The following ZNF729 variants were observed in gnomAD, a reference collection of about 807,000 sequenced individuals.
The protein encoded by ZNF729 is zinc finger protein 729.
A neutral mutation model predicts 12.2 loss-of-function variants in ZNF729; 15 were observed. The observed-to-expected ratio is 1.23, with a 90% CI of 0.82 to 1.89. The LOEUF (loss-of-function observed/expected upper bound fraction) is 1.89, where lower values mean the gene tolerates loss of function less well. ZNF729 is among the 40% of genes most tolerant of loss of function. The pLI is 0.00. For synonymous variants in ZNF729, 492 were observed against 476.3 expected, an observed-to-expected ratio of 1.03 and a Z score of -0.43; for missense variants, 1,540 against 1,456.7, an observed-to-expected ratio of 1.06 and a Z score of -0.93.
chr19:22,309,171 G>A (rs1373650901), intron 3 of ZNF729, among the ~76,000 whole-genome samples: 5 of 152,278 alleles, frequency 3.3e-5, no homozygotes, highest in African/African-American at 1.2e-4. Flanking sequence ...CCCTGGCCGG[G>A]TGCGGTGGCT....
intron 3 of ZNF729, among the ~76,000 whole-genome samples, chr19:22,311,149 C>A (rs923447981): frequency 1.3e-5 from 2 of 151,806 alleles, no homozygotes; most frequent in Non-Finnish European, 2.9e-5. Context: ...GTTTTTGTTT[C>A]ATTTATCTTT....
intron 1 of ZNF729, among the ~76,000 whole-genome samples, chr19:22,297,542 AAT>A (rs1242470595): frequency 1.3e-5 from 2 of 151,786 alleles, no homozygotes; most frequent in East Asian, 3.9e-4. Context: ...ACTTTTTTGA[AAT>A]ATATATAAAT....
At chr19:22,298,749 G>C (rs1318241508) in intron 1 of ZNF729, among the ~76,000 whole-genome samples, 1 of 152,136 alleles carries the variant, frequency 6.6e-6, no homozygotes, top group Non-Finnish European at 1.5e-5. Context: ...CCTGAGCCCA[G>C]GAAGTTTGCC....
intron 3 of ZNF729, among the ~76,000 whole-genome samples, chr19:22,306,381 T>C (rs916706094): frequency 1.3e-5 from 2 of 149,974 alleles, no homozygotes; most frequent in South Asian, 4.2e-4. Flanking sequence ...CAGGTTGTGG[T>C]GAGCTGAGAT....
At position 22,316,577 on chromosome 19, in the gene ZNF729, G is replaced by C. The variant is rs748841602; in HGVS notation, c.3160G>C (p.Gly1054Arg). The change falls in exon 4 of 4, where the codon GGT (glycine) becomes CGT (arginine). Residue 1054 changes from glycine (G) to arginine (R), a missense_variant. Physicochemically the swap from Gly to Arg is moderately radical, Grantham distance 125. Transcript: ENST00000601693. ...GEKPYKCEECGKAFKWSSKLT... is the reference protein window; with the variant it reads ...GEKPYKCEECRKAFKWSSKLT... ...GAAACCCTACAAATGTGAAGAATGT[G>C]GTAAAGCTTTTAAGTGGTCCTCAAA... The C allele has an allele frequency of 6.2e-7, 1 of 1,613,434 alleles. No homozygotes were observed. The highest frequency in any genetic ancestry group is 1.1e-5 in the South Asian group (1 of 91,072).
Position 22,315,512 on chromosome 19 carries a change from C to T in ZNF729, c.2095C>T (p.Leu699Phe), listed in dbSNP as rs1968519947. Residue 699 changes from leucine to phenylalanine, a missense_variant, in exon 4 of 4, where the codon CTT (leucine) becomes TTT (phenylalanine). By Grantham distance (22) the Leu-to-Phe change is conservative. Transcript: ENST00000601693. Reference protein sequence around the residue: ...CGKAFSHFSALRRHKIIHTGE... With the variant: ...CGKAFSHFSAFRRHKIIHTGE... ...CAAAGCTTTTAGCCATTTCTCAGCC[C>T]TTAGAAGACATAAGATAATTCATAC... 6.2e-7 allele frequency: 1 copy of T among 1,611,576 alleles called. No homozygotes were observed. Among genetic ancestry groups the T allele is most frequent in the Non-Finnish European group, 8.5e-7 (1 of 1,179,704 alleles).
chr19:22,286,447 C>A lies in ZNF729; in HGVS notation c.-79C>A. 1.9e-6 allele frequency: 3 copies of A among 1,572,834 alleles called. No individual in the cohort carries two copies. Among genetic ancestry groups the A allele is most frequent in the Non-Finnish European group, 2.6e-6 (3 of 1,154,384 alleles). On this transcript the variant is annotated 5_prime_UTR_variant, in exon 1 of 4. Transcript: ENST00000601693. ...GTTGTTTCTGGTTGCAGCCGCAGTTCCCGGTCTCGCCTTCACTGCTGTGTG... is the reference window on the plus strand; with the variant it reads ...GTTGTTTCTGGTTGCAGCCGCAGTTACCGGTCTCGCCTTCACTGCTGTGTG...
Position 22,303,759 on chromosome 19 carries a change from G to A in ZNF729, c.32G>A (p.Gly11Glu). ...TGTGTCTTTCGTTGTGTTTTTCAGG[G>A]ACCATTGACATTTAGAGATGTGACC... MPGAPGSLEM[G>E]PLTFRDVTIE... The change falls in exon 2 of 4, where the codon GGA becomes GAA. Residue 11 changes from glycine (G) to glutamate (E), a missense_variant and splice_region_variant. By Grantham distance (98) the Gly-to-Glu change is moderately conservative (BLOSUM62 -2). Transcript: ENST00000601693. 2.6e-6 allele frequency: 4 copies of A among 1,555,238 alleles called. No homozygotes were observed. The highest frequency in any genetic ancestry group is 1.8e-5 in the Admixed American group (1 of 55,890).
At chr19:22,303,062 A>C (rs1968334026) in intron 1 of ZNF729, among the ~76,000 whole-genome samples, 1 of 152,230 alleles carries the variant, frequency 6.6e-6, no homozygotes, top group South Asian at 2.1e-4. Context: ...GGAGTGAGCT[A>C]CTGCGCCTGG....
intron 3 of ZNF729, among the ~76,000 whole-genome samples, chr19:22,305,478 C>T (rs1968367110): frequency 6.6e-6 from 1 of 151,956 alleles, no homozygotes; most frequent in African/African-American, 2.4e-5. Context: ...TCACCTTTGT[C>T]AATATTTATG....
intron 3 of ZNF729, among the ~76,000 whole-genome samples, chr19:22,308,963 A>T (rs1446442984): frequency 1.3e-5 from 2 of 152,178 alleles, no homozygotes; most frequent in Non-Finnish European, 2.9e-5. Flanking sequence ...GGGTTCTTGT[A>T]TATGAAATCC....
rs572797381 is a variant in ZNF729, at chr19:22,287,680, T to A, written c.30+1125T>A. ...ACTCCTCGGAGGACTGATTTTTTTT[T>A]TTTTCCCTTGCATTTTTTACAGGTA... On this transcript the variant is annotated intron_variant, in intron 1 of 3. Coordinates refer to ENST00000601693, the MANE Select transcript of ZNF729 (RefSeq NM_001242680.2). 1.5e-3 allele frequency among the ~76,000 whole-genome samples: 234 copies of A among 151,826 alleles called. 2 individuals are homozygous for A. Among genetic ancestry groups the A allele is most frequent in the African/African-American group, 5.4e-3 (223 of 41,400 alleles).
chr19:22,287,847 CCTT>C (rs973481344), intron 1 of ZNF729, among the ~76,000 whole-genome samples: 45 of 147,204 alleles, frequency 3.1e-4, no homozygotes, highest in African/African-American at 8.2e-4. Flanking sequence ...TACTATTTGT[CCTT>C]TTTTTTTTTT....
chr19:22,287,022 A>G, intron 1 of ZNF729, among the ~76,000 whole-genome samples: 1 of 152,200 alleles, frequency 6.6e-6, no homozygotes, highest in East Asian at 1.9e-4. Flanking sequence ...GCACCCAGCT[A>G]TGGTTTGTAG....
chr19:22,310,124 G>C (rs1267543670), intron 3 of ZNF729, among the ~76,000 whole-genome samples: 1 of 151,930 alleles, frequency 6.6e-6, no homozygotes, highest in Admixed American at 6.6e-5. Context: ...AAAAGTCTAG[G>C]GTTTTCAAAG....
chr19:22,312,440 TTGTGTGTGTGTGTG>T (rs138264785), intron 3 of ZNF729, among the ~76,000 whole-genome samples: 2,326 of 144,654 alleles, frequency 0.016, 76 homozygotes, highest in African/African-American at 0.058. Flanking sequence ...TTGTCTGAAA[TTGTGTGTGTGTGTG>T]TGTGTGTGTG....
intron 3 of ZNF729, among the ~76,000 whole-genome samples, chr19:22,305,709 C>G (rs1968369847): frequency 6.6e-6 from 1 of 151,626 alleles, no homozygotes; most frequent in Non-Finnish European, 1.5e-5. Context: ...TACTTACAGA[C>G]TATTTGACTC....
Position 22,314,272 on chromosome 19 carries a change from T to A in ZNF729, c.855T>A (p.Ile285=). 8 of 1,610,210 alleles carry A rather than the reference T, an allele frequency of 5.0e-6. No individual in the cohort carries two copies. Among genetic ancestry groups the A allele is most frequent in the Non-Finnish European group, 5.9e-6 (7 of 1,178,836 alleles). ...CAAATCTTACTGACCATAAGAGAAT[T>A]CATACTGGAGAGAAAACCTACAAAT... The part of the protein sequence containing the change: ...QSSNLTDHKR[I]HTGEKTYKCE... The change falls in exon 4 of 4, where the codon ATT becomes ATA. Residue 285 remains isoleucine, a synonymous_variant. Coordinates refer to ENST00000601693, the MANE Select transcript of ZNF729 (RefSeq NM_001242680.2).
chr19:22,316,943 A>T lies in ZNF729; in HGVS notation c.3526A>T (p.Thr1176Ser). The T allele has an allele frequency of 6.2e-7, 1 of 1,613,224 alleles. No homozygotes were observed. Among genetic ancestry groups the T allele is most frequent in the Non-Finnish European group, 8.5e-7 (1 of 1,179,998 alleles). The change falls in exon 4 of 4, where the codon ACT (threonine) becomes TCT (serine). Residue 1176 changes from threonine to serine, a missense_variant. Transcript: ENST00000601693. The part of the protein sequence containing the change: ...GKAFNQSSHL[T>S]RHKTIHTGEK... ...AGCCTTTAACCAGTCCTCACACCTT[A>T]CTAGACACAAAACAATTCATACTGG... is the stretch of plus-strand genomic sequence containing the variant.
Sources: allele counts gnomAD v4.1 joint callset (sites outside exome capture counted in the v4.1 genomes callset), GRCh38; gene constraint gnomAD v4.1.1; transcripts MANE v1.5; gene names NCBI Gene and HGNC (gene_info 2026-07-23, HGNC 2026-07-21).